The following PLCL1 variants were observed in gnomAD, a reference collection of about 807,000 sequenced individuals.
PLCL1 encodes phospholipase C like 1 (inactive).
PLCL1 carries 41 observed loss-of-function variants against 84.4 expected under a neutral mutation model. That is an observed-to-expected ratio of 0.49 (90% CI 0.38 to 0.63). The LOEUF (loss-of-function observed/expected upper bound fraction) is 0.63. PLCL1 is among the 30% of genes least tolerant of loss of function. The pLI, the probability that PLCL1 is intolerant of heterozygous loss-of-function variation, is 0.00. For missense variants in PLCL1, 1,206 were observed against 1,367.8 expected (o/e 0.88, Z 1.87); for synonymous variants, 490 against 488.3 (o/e 1.00, Z -0.05).
At chr2:197,843,074 A>C (rs1211117797) in intron 1 of PLCL1, among the ~76,000 whole-genome samples, 1 of 152,038 alleles carries the variant, frequency 6.6e-6, no homozygotes, top group African/African-American at 2.4e-5. Flanking sequence ...TTCTTTATTC[A>C]TCTGTGTGTT....
chr2:198,012,541 A>G (rs1257515902), intron 1 of PLCL1, among the ~76,000 whole-genome samples: 2 of 151,928 alleles, frequency 1.3e-5, no homozygotes, highest in African/African-American at 4.8e-5. Flanking sequence ...TAATTGGTGC[A>G]TTTAAGCTAT....
chr2:197,982,146 A>T (rs1015922898), intron 1 of PLCL1, among the ~76,000 whole-genome samples: 2 of 151,496 alleles, frequency 1.3e-5, no homozygotes, highest in African/African-American at 4.8e-5. Context: ...TAGTGAATAA[A>T]TTTATTTTTG....
intron 5 of PLCL1, among the ~76,000 whole-genome samples, chr2:198,116,379 A>G (rs1693748626): frequency 1.3e-5 from 2 of 151,792 alleles, no homozygotes; most frequent in African/African-American, 2.4e-5. Context: ...CTCTCCATAC[A>G]TTATTGATAC....
rs1461016138 is a variant in PLCL1, at chr2:198,148,124, A to T, written c.*1162A>T. On this transcript the variant is annotated 3_prime_UTR_variant, in exon 6 of 6. Transcript: ENST00000428675. The stretch of plus-strand genomic sequence containing the variant: ...TTGCATCTAGGTAATTTTTACCCTA[A>T]TGTCTTCATAAAGTACTTGAGTGTA... The T allele has an allele frequency of 2.0e-5, 3 of 152,346 alleles. No individual in the cohort carries two copies. 9.4% of individuals were successfully genotyped at this position (152,346 alleles called of 1,614,324 possible).
At chr2:197,966,508 C>T (rs1476895762) in intron 1 of PLCL1, among the ~76,000 whole-genome samples, 1 of 152,148 alleles carries the variant, frequency 6.6e-6, no homozygotes, top group Non-Finnish European at 1.5e-5. Flanking sequence ...GTATTGCTTT[C>T]TGCTGTGACA....
At chr2:197,967,425 C>G (rs1412488448) in intron 1 of PLCL1, among the ~76,000 whole-genome samples, 2 of 152,166 alleles carry the variant, frequency 1.3e-5, no homozygotes, top group South Asian at 2.1e-4. Context: ...TCTTTCTGAT[C>G]ACTTATTGAT....
intron 1 of PLCL1, among the ~76,000 whole-genome samples, chr2:197,822,679 A>G (rs1690842808): frequency 2.6e-5 from 4 of 152,198 alleles, no homozygotes; most frequent in Admixed American, 2.6e-4. Flanking sequence ...TCACACAGTA[A>G]GTGGCATGTT....
chr2:198,101,213 T>C, intron 3 of PLCL1, 72 bp from the exon 4 acceptor site: 1 of 857,892 alleles, frequency 1.2e-6, no homozygotes, highest in South Asian at 1.4e-5. Context: ...TGGGTCTCTC[T>C]GTATGTCGTC....
At chr2:197,810,271 T>C in intron 1 of PLCL1, 3 of 1,266,896 alleles carry the variant, frequency 2.4e-6, no homozygotes, top group African/African-American at 1.5e-5. Flanking sequence ...GCAGGGTCTT[T>C]CTGATGTGAT....
chr2:197,956,806 A>T (rs1288537438), intron 1 of PLCL1, among the ~76,000 whole-genome samples: 1 of 151,788 alleles, frequency 6.6e-6, no homozygotes, highest in Admixed American at 6.6e-5. Flanking sequence ...GTTCCTTGTA[A>T]ATTCTGGATA....
intron 1 of PLCL1, among the ~76,000 whole-genome samples, chr2:198,073,374 A>G (rs1574290547): frequency 1.3e-5 from 2 of 152,198 alleles, no homozygotes; most frequent in Admixed American, 6.5e-5. Flanking sequence ...TTCCTTGAAC[A>G]TGAGCAGATG....
intron 1 of PLCL1, among the ~76,000 whole-genome samples, chr2:197,853,096 C>T (rs1293777838): frequency 6.6e-6 from 1 of 152,160 alleles, no homozygotes; most frequent in Non-Finnish European, 1.5e-5. Context: ...TTATGTACCT[C>T]ATATAAATGG....
intron 1 of PLCL1, among the ~76,000 whole-genome samples, chr2:197,860,266 C>T (rs1687404116): frequency 6.6e-6 from 1 of 152,024 alleles, no homozygotes; most frequent in Non-Finnish European, 1.5e-5. Context: ...TTTTCTTTAT[C>T]CAGTCTACCA....
chr2:198,077,275 G>A (rs1692598975), intron 1 of PLCL1, among the ~76,000 whole-genome samples: 1 of 151,972 alleles, frequency 6.6e-6, no homozygotes, highest in African/African-American at 2.4e-5. Flanking sequence ...CATGGCACAT[G>A]TATACATATG....
chr2:198,001,958 C>T (rs1690611424), intron 1 of PLCL1: 1 of 437,734 alleles, frequency 2.3e-6, no homozygotes, highest in Non-Finnish European at 4.6e-6. Context: ...CCAGATGGGA[C>T]TGTGTAGTTG....
chr2:197,811,104 A>G (rs531536017), intron 1 of PLCL1, among the ~76,000 whole-genome samples: 1 of 152,312 alleles, frequency 6.6e-6, no homozygotes, highest in African/African-American at 2.4e-5. Context: ...GTTGACTCTT[A>G]TTCACCTCCC....
intron 1 of PLCL1, among the ~76,000 whole-genome samples, chr2:197,877,022 T>C (rs370595516): frequency 4.6e-5 from 7 of 152,156 alleles, no homozygotes; most frequent in Non-Finnish European, 7.4e-5. Context: ...TTATTCTTTA[T>C]GTGAGGTTCA....
At chr2:197,960,858 A>T (rs987575011) in intron 1 of PLCL1, among the ~76,000 whole-genome samples, 1 of 152,166 alleles carries the variant, frequency 6.6e-6, no homozygotes, top group Non-Finnish European at 1.5e-5. Context: ...TTTAAGATGT[A>T]TAGCATTATT....
intron 1 of PLCL1, among the ~76,000 whole-genome samples, chr2:197,979,885 C>G (rs1690068518): frequency 6.6e-6 from 1 of 152,226 alleles, no homozygotes; most frequent in Non-Finnish European, 1.5e-5. Context: ...AGCCCCCTTT[C>G]TGTGTTCCTA....
Sources: allele counts gnomAD v4.1 joint callset (sites outside exome capture counted in the v4.1 genomes callset), GRCh38; gene constraint gnomAD v4.1.1; transcripts MANE v1.5; gene names NCBI Gene and HGNC (gene_info 2026-07-23, HGNC 2026-07-21).